The following SLC5A4 variants were observed in gnomAD, a reference collection of about 807,000 sequenced individuals.
SLC5A4 encodes solute carrier family 5 member 4.
SLC5A4 carries 55 observed loss-of-function variants against 70.3 expected under a neutral mutation model. The ratio of observed to expected loss-of-function variants is 0.78; its 90% CI spans 0.63 to 0.98. The LOEUF (loss-of-function observed/expected upper bound fraction) is 0.98, where lower values mean the gene tolerates loss of function less well. SLC5A4 is among the 50% of genes least tolerant of loss of function. The pLI is 0.00. For synonymous variants in SLC5A4, 268 were observed against 305.7 expected (o/e 0.88, Z 1.29); for missense variants, 735 against 839.2 (o/e 0.88, Z 1.53).
chr22:32,330,920 A>ATGCG, the SLC5A4 span, among the ~76,000 whole-genome samples: 3 of 28,116 alleles, frequency 1.1e-4, no homozygotes, highest in South Asian at 1.4e-3. Context: ...TGTGTGTTGG[A>ATGCG]GGCCTCTGGT....
intron 9 of SLC5A4, 50 bp from the exon 10 acceptor site, chr22:32,231,125 C>A: frequency 9.4e-7 from 1 of 1,059,434 alleles, no homozygotes; most frequent in Non-Finnish European, 1.5e-6. Flanking sequence ...TAGGCAAAAC[C>A]AACAACCATT....
the SLC5A4 span, among the ~76,000 whole-genome samples, chr22:32,310,555 ATGCCTTTCTCTAAT>A: frequency 1.3e-5 from 2 of 152,126 alleles, no homozygotes; most frequent in Non-Finnish European, 1.5e-5. Flanking sequence ...AGAGGAAGCC[ATGCCTTTCTCTAAT>A]TGAGACCCCC....
the SLC5A4 span, among the ~76,000 whole-genome samples, chr22:32,313,164 G>A: frequency 6.6e-6 from 1 of 152,218 alleles, no homozygotes; most frequent in South Asian, 2.1e-4. Context: ...GTAGAATGGA[G>A]AGTGCATACA....
intron 5 of SLC5A4, among the ~76,000 whole-genome samples, chr22:32,239,464 T>C (rs1249969334): frequency 4.5e-5 from 6 of 133,238 alleles, no homozygotes; most frequent in Admixed American, 8.4e-5. Context: ...CCCAGGAGTT[T>C]GAGGCTGCAG....
chr22:32,286,688 T>C, the SLC5A4 span, among the ~76,000 whole-genome samples: 1 of 152,192 alleles, frequency 6.6e-6, no homozygotes, highest in Non-Finnish European at 1.5e-5. Context: ...CTATTAATGG[T>C]AACACACTTG....
the SLC5A4 span, among the ~76,000 whole-genome samples, chr22:32,304,159 C>G: frequency 1.3e-5 from 2 of 152,054 alleles, no homozygotes; most frequent in Non-Finnish European, 2.9e-5. Flanking sequence ...GAGAGTCTTG[C>G]TCTGTCATCC....
chr22:32,298,362 GGATA>G, the SLC5A4 span, among the ~76,000 whole-genome samples: 2 of 145,562 alleles, frequency 1.4e-5, no homozygotes, highest in Non-Finnish European at 3.0e-5. Flanking sequence ...TATATATTTA[GGATA>G]GTTAGGTCTT....
At chr22:32,272,491 A>G in the SLC5A4 span, 1 of 721,950 alleles carries the variant, frequency 1.4e-6, no homozygotes, top group African/African-American at 1.7e-5. Flanking sequence ...CATGAAGAGC[A>G]TCTGGCTGCT....
chr22:32,306,633 G>A, the SLC5A4 span, among the ~76,000 whole-genome samples: 3 of 152,142 alleles, frequency 2.0e-5, no homozygotes, highest in Non-Finnish European at 4.4e-5. Context: ...GAGTTTACAG[G>A]AGAGAAAATA....
the SLC5A4 span, among the ~76,000 whole-genome samples, chr22:32,341,894 C>T: frequency 6.6e-6 from 1 of 152,220 alleles, no homozygotes; most frequent in South Asian, 2.1e-4. Flanking sequence ...ATTCAGGTCT[C>T]TGCTTAAATT....
the SLC5A4 span, among the ~76,000 whole-genome samples, chr22:32,328,085 C>CAA: frequency 7.4e-6 from 1 of 135,330 alleles, no homozygotes; most frequent in Non-Finnish European, 1.8e-5. Flanking sequence ...ACACCAGAGC[C>CAA]CCCAACACAC....
the SLC5A4 span, among the ~76,000 whole-genome samples, chr22:32,338,625 C>T: frequency 6.6e-6 from 1 of 152,192 alleles, no homozygotes; most frequent in Non-Finnish European, 1.5e-5. Context: ...GCCAAGATCA[C>T]ACCACTGCAC....
the SLC5A4 span, among the ~76,000 whole-genome samples, chr22:32,279,002 C>T: frequency 6.6e-6 from 1 of 152,186 alleles, no homozygotes. Context: ...ATAGGCCGGG[C>T]GCGGTGGCTC....
At chr22:32,270,310 G>A in the SLC5A4 span, 6 of 909,908 alleles carry the variant, frequency 6.6e-6, no homozygotes, top group Middle Eastern at 2.3e-4. Context: ...GGAGATTGTG[G>A]TTTGCTCCAG....
At position 32,232,948 on chromosome 22, in the gene SLC5A4, G is replaced by C; in HGVS notation, c.972C>G (p.Pro324=). The change falls in exon 9 of 15, where the codon CCC becomes CCG. Residue 324 remains proline (P), a synonymous_variant. Coordinates refer to ENST00000266086, the MANE Select transcript of SLC5A4 (RefSeq NM_014227.3). ...TCCCCGGCATCACCATGAGGAACAT[G>C]GGCAGCAGCTTCAGGTAAGCACACA... ...CIMCAYLKLL[P]MFLMVMPGMI... is the part of the protein sequence containing the mutation. The C allele has an allele frequency of 6.2e-7, 1 of 1,614,158 alleles. No individual in the cohort carries two copies. Among genetic ancestry groups the C allele is most frequent in the Admixed American group, 1.7e-5 (1 of 60,014 alleles).
chr22:32,293,204 T>C, the SLC5A4 span, among the ~76,000 whole-genome samples: 1 of 152,108 alleles, frequency 6.6e-6, no homozygotes, highest in African/African-American at 2.4e-5. Flanking sequence ...TAACATATAG[T>C]TGGTGTTTTT....
chr22:32,315,415 A>T, the SLC5A4 span, among the ~76,000 whole-genome samples: 1 of 152,202 alleles, frequency 6.6e-6, no homozygotes, highest in African/African-American at 2.4e-5. Flanking sequence ...GTAAAATTAG[A>T]GGCATCAAGG....
the SLC5A4 span, among the ~76,000 whole-genome samples, chr22:32,302,925 C>T: frequency 1.3e-5 from 2 of 152,214 alleles, no homozygotes; most frequent in African/African-American, 4.8e-5. Context: ...GGAGAATTGA[C>T]ATCTTTGTTG....
chr22:32,277,344 A>G, the SLC5A4 span, among the ~76,000 whole-genome samples: 5 of 152,320 alleles, frequency 3.3e-5, no homozygotes, highest in East Asian at 7.7e-4. Context: ...CCCGGAAATG[A>G]TAGGTTAGAA....
Sources: gnomAD v4.1 joint callset for allele counts (sites outside exome capture counted in the v4.1 genomes callset) on GRCh38, gnomAD v4.1.1 for gene constraint, MANE v1.5 for transcripts, NCBI Gene and HGNC (gene_info 2026-07-23, HGNC 2026-07-21) for gene names.